Variants in TRPM6 observed in about 807,000 individuals in gnomAD.
TRPM6 encodes channel kinase 2.
In TRPM6, 111 loss-of-function variants were observed where a neutral mutation model predicts 247.6. The observed-to-expected ratio is 0.45, with a 90% CI of 0.38 to 0.52. TRPM6 has a LOEUF of 0.52. Among genes scored for constraint, TRPM6 ranks in the 20% least tolerant of loss-of-function variants. The pLI is 0.00. For missense variants in TRPM6, 2,126 were observed against 2,421.5 expected (o/e 0.88, Z 2.56); for synonymous variants, 892 against 853.8 (o/e 1.04, Z -0.78).
chr9:74,800,618 TTAAA>T, intron 16 of TRPM6, 136 bp from the exon 17 acceptor site: 1 of 635,966 alleles, frequency 1.6e-6, no homozygotes, highest in Non-Finnish European at 2.7e-6. Flanking sequence ...AAGGCTTCCT[TTAAA>T]AAAAAAAAAA....
At chr9:74,745,720 C>T (rs1416801636) in intron 31 of TRPM6, among the ~76,000 whole-genome samples, 1 of 152,140 alleles carries the variant, frequency 6.6e-6, no homozygotes, top group Admixed American at 6.5e-5. Context: ...CAGTGAAATG[C>T]ACTGACAGAA....
At chr9:74,842,721 T>C (rs977841389) in intron 3 of TRPM6, among the ~76,000 whole-genome samples, 5 of 152,232 alleles carry the variant, frequency 3.3e-5, no homozygotes, top group Middle Eastern at 3.2e-3. Flanking sequence ...AAGTGTTCAA[T>C]AGCATTACGT....
chr9:74,878,022 T>C (rs1216567837), intron 1 of TRPM6, among the ~76,000 whole-genome samples: 2 of 151,992 alleles, frequency 1.3e-5, no homozygotes, highest in African/African-American at 4.8e-5. Flanking sequence ...CCCACCACAG[T>C]TGGCACCTGA....
chr9:74,841,490 T>A (rs1458701971), intron 4 of TRPM6, among the ~76,000 whole-genome samples: 1 of 151,412 alleles, frequency 6.6e-6, no homozygotes, highest in Non-Finnish European at 1.5e-5. Context: ...CAATTTCCAA[T>A]TCATCTTTGA....
At chr9:74,814,524 C>T (rs1475158980) in intron 11 of TRPM6, among the ~76,000 whole-genome samples, 7 of 152,120 alleles carry the variant, frequency 4.6e-5, no homozygotes, top group African/African-American at 1.4e-4. Context: ...GATTATTACA[C>T]ATTGTATGCC....
intron 36 of TRPM6, among the ~76,000 whole-genome samples, chr9:74,737,670 A>G (rs1478299824): frequency 1.3e-5 from 2 of 152,190 alleles, no homozygotes; most frequent in Admixed American, 6.6e-5. Flanking sequence ...CCAAATTCCT[A>G]TAATATTTAC....
chr9:74,756,057 G>A (rs1263092576), intron 27 of TRPM6, among the ~76,000 whole-genome samples: 1 of 152,038 alleles, frequency 6.6e-6, no homozygotes, highest in Non-Finnish European at 1.5e-5. Context: ...GCGGTAAATT[G>A]GTAACTCAAA....
chr9:74,747,833 C>T, intron 31 of TRPM6, 56 bp downstream of exon 31: 2 of 1,399,070 alleles, frequency 1.4e-6, no homozygotes, highest in South Asian at 1.2e-5. Context: ...GACAGTGAAC[C>T]TCGCATTAAA....
chr9:74,842,187 T>A lies in TRPM6; in HGVS notation c.309A>T (p.Gly103=). The A allele has an allele frequency of 6.2e-7, 1 of 1,614,062 alleles. No homozygotes were observed. The highest frequency in any genetic ancestry group is 8.5e-7 in the Non-Finnish European group (1 of 1,179,988). Residue 103 remains glycine, a synonymous_variant, in exon 4 of 39, where the codon GGA becomes GGT. Transcript: ENST00000360774. ...AAACCTTGGCATGATGGGTGTGCTC[T>A]CCATCTTGGAAATTAATCGTGCCAA... ...DTFGTINFQD[G]EHTHHAKYIR... is the part of the protein sequence containing the mutation.
intron 18 of TRPM6, among the ~76,000 whole-genome samples, chr9:74,796,356 GA>G (rs1828098555): frequency 6.6e-6 from 1 of 152,200 alleles, no homozygotes; most frequent in African/African-American, 2.4e-5. Context: ...AGTGTCCACA[GA>G]ACCTCTAGCA....
chr9:74,776,962 C>T (rs1827247685), intron 23 of TRPM6, among the ~76,000 whole-genome samples: 1 of 152,072 alleles, frequency 6.6e-6, no homozygotes, highest in African/African-American at 2.4e-5. Flanking sequence ...CACAGATAAC[C>T]CATAACTTGA....
intron 28 of TRPM6, among the ~76,000 whole-genome samples, chr9:74,753,865 C>T (rs1244170450): frequency 1.3e-5 from 2 of 152,122 alleles, no homozygotes; most frequent in Non-Finnish European, 2.9e-5. Flanking sequence ...TCATTACTCA[C>T]TCAGATTAGC....
At chr9:74,887,168 G>A (rs1831557943) in intron 1 of TRPM6, 1 of 1,087,190 alleles carries the variant, frequency 9.2e-7, no homozygotes, top group Non-Finnish European at 1.2e-6. Context: ...GACTCCTGAG[G>A]TTGCAAGTCC....
intron 30 of TRPM6, among the ~76,000 whole-genome samples, chr9:74,748,739 A>T (rs1250519537): frequency 6.6e-6 from 1 of 152,260 alleles, no homozygotes; most frequent in African/African-American, 2.4e-5. Flanking sequence ...AAAGATTTTT[A>T]AATGTTTTAC....
Position 74,812,363 on chromosome 9 carries a change from A to G in TRPM6, c.1379T>C (p.Ile460Thr), listed in dbSNP as rs561812185. 1 of 1,614,092 alleles carries G rather than the reference A, an allele frequency of 6.2e-7. No individual in the cohort carries two copies. The highest frequency in any genetic ancestry group is 1.1e-5 in the South Asian group (1 of 91,086). ...MDRVDFVKLL[I>T]EYGVNLHRFL... ...GCGATGGAGGTTCACTCCATATTCT[A>G]TTAAGAGCTTCACAAAATCCACCCG... Residue 460 changes from isoleucine to threonine, a missense_variant, in exon 12 of 39, where the codon ATA becomes ACA. By Grantham distance (89) the Ile-to-Thr change is moderately conservative. Transcript: ENST00000360774.
intron 1 of TRPM6, among the ~76,000 whole-genome samples, chr9:74,865,336 T>C (rs888235695): frequency 5.3e-5 from 8 of 152,192 alleles, no homozygotes; most frequent in Middle Eastern, 3.2e-3. Context: ...GACATCCTTT[T>C]CCTCAGTTGT....
chr9:74,842,615 C>A (rs1829980765), intron 3 of TRPM6, among the ~76,000 whole-genome samples: 1 of 152,084 alleles, frequency 6.6e-6, no homozygotes, highest in Admixed American at 6.5e-5. Flanking sequence ...GGTTCCAGTC[C>A]ACTACAATAA....
intron 15 of TRPM6, 43 bp from the exon 16 acceptor site, chr9:74,802,218 T>G: frequency 6.3e-7 from 1 of 1,578,000 alleles, no homozygotes; most frequent in Non-Finnish European, 8.7e-7. Context: ...AATACTCAGA[T>G]GTATGATGTT....
chr9:74,760,972 G>C (rs1177195627), intron 27 of TRPM6, among the ~76,000 whole-genome samples: 1 of 152,154 alleles, frequency 6.6e-6, no homozygotes, highest in African/African-American at 2.4e-5. Context: ...ATTTTGCAGA[G>C]AGTCTCTACC....
Sources: allele counts gnomAD v4.1 joint callset (sites outside exome capture counted in the v4.1 genomes callset), GRCh38; gene constraint gnomAD v4.1.1; transcripts MANE v1.5; gene names NCBI Gene and HGNC (gene_info 2026-07-23, HGNC 2026-07-21).